Variants in CTHRC1 observed in about 807,000 individuals in gnomAD.
CTHRC1 encodes collagen triple helix repeat containing 1, also known as collagen triple helix repeat-containing protein 1.
A neutral mutation model predicts 25.9 loss-of-function variants in CTHRC1; 21 were observed. The ratio of observed to expected loss-of-function variants is 0.81; its 90% CI spans 0.57 to 1.17. The LOEUF (loss-of-function observed/expected upper bound fraction) is 1.17. Among genes scored for constraint, CTHRC1 ranks in the 50% most tolerant of loss-of-function variants. The pLI is 0.00. For synonymous variants in CTHRC1, 109 were observed against 113.1 expected (o/e 0.96, Z 0.23); for missense variants, 281 against 304.3 (o/e 0.92, Z 0.57).
chr8:103,372,418 G>A, intron 1 of CTHRC1: 1 of 1,477,112 alleles, frequency 6.8e-7, no homozygotes, highest in Non-Finnish European at 9.0e-7. Context: ...CCACAGCTGG[G>A]GCTAGGAATG....
intron 1 of CTHRC1, chr8:103,372,542 G>A (rs2130393649): frequency 1.9e-6 from 3 of 1,598,306 alleles, no homozygotes; most frequent in Admixed American, 3.3e-5. Context: ...CACACACCCT[G>A]GGTCTTCATA....
chr8:103,375,712 T>G, intron 1 of CTHRC1, 26 bp from the exon 2 acceptor site: 2 of 1,588,634 alleles, frequency 1.3e-6, no homozygotes, highest in Admixed American at 1.7e-5. Flanking sequence ...GTGAGAGTTT[T>G]CTTTGCCTTT....
At chr8:103,379,920 A>G (rs1815876116) in intron 3 of CTHRC1, among the ~76,000 whole-genome samples, 1 of 152,206 alleles carries the variant, frequency 6.6e-6, no homozygotes, top group Admixed American at 6.5e-5. Flanking sequence ...TTGCATATTG[A>G]GAAACCCAGG....
chr8:103,373,673 T>C (rs992827502), intron 1 of CTHRC1, among the ~76,000 whole-genome samples: 5 of 147,760 alleles, frequency 3.4e-5, no homozygotes, highest in Admixed American at 6.9e-5. Context: ...TTGTCGCGTG[T>C]TTAGCAGCAT....
At chr8:103,375,697 A>C (rs1392848050) in intron 1 of CTHRC1, 41 bp from the exon 2 acceptor site, 2 of 1,523,852 alleles carry the variant, frequency 1.3e-6, no homozygotes, top group Non-Finnish European at 1.8e-6. Flanking sequence ...TTTGACTCTT[A>C]AGTGGTGAGA....
At chr8:103,372,782 C>A in intron 1 of CTHRC1, 1 of 660,084 alleles carries the variant, frequency 1.5e-6, no homozygotes, top group Non-Finnish European at 2.5e-6. Context: ...ATATTATAAA[C>A]TTCAGTCTCA....
Position 103,371,702 on chromosome 8 carries a change from C to T in CTHRC1, c.46C>T (p.Leu16Phe), listed in dbSNP as rs1586549673. The T allele has an allele frequency of 2.6e-6, 4 of 1,533,954 alleles. No homozygotes were observed. The highest frequency in any genetic ancestry group is 3.5e-6 in the Non-Finnish European group (4 of 1,140,986). ...CGCCTCCCCGCAGCGGCTCCGCGGC[C>T]TCCTGCTGCTCCTGCTGCTGCAGCT... The part of the protein sequence containing the change: ...PAASPQRLRG[L>F]LLLLLLQLPA... The change falls in exon 1 of 4, where the codon CTC becomes TTC. Residue 16 changes from leucine to phenylalanine, a missense_variant. Leu to Phe is a conservative substitution (Grantham distance 22). Coordinates refer to ENST00000330295, the MANE Select transcript of CTHRC1 (RefSeq NM_138455.4).
intron 1 of CTHRC1, 47 bp downstream of exon 1, chr8:103,371,853 AC>A: frequency 6.9e-7 from 1 of 1,457,556 alleles, no homozygotes; most frequent in Non-Finnish European, 9.1e-7. Flanking sequence ...GGTGGAGGGG[AC>A]CTGGCCGCGC....
rs1249871790 is a variant in CTHRC1 at position 103,371,589 on chromosome 8, A to G, written c.-68A>G. 6.7e-6 allele frequency: 10 copies of G among 1,502,172 alleles called. No individual in the cohort carries two copies. The Admixed American group carries it at 1.2e-4, about 19-fold the overall frequency. The allele number at this position is 1,502,172 out of a possible 1,614,324, so 93.1% of individuals were successfully genotyped here. ...CGGCCTCGGAGCGCGGCGGAGCCAG[A>G]CGCTGACCACGTTCCTCTCCTCGGT... is the stretch of plus-strand genomic sequence containing the variant. On this transcript the variant is annotated 5_prime_UTR_variant, in exon 1 of 4. Transcript: ENST00000330295.
intron 1 of CTHRC1, among the ~76,000 whole-genome samples, chr8:103,375,132 A>C (rs1815782169): frequency 6.6e-6 from 1 of 152,134 alleles, no homozygotes; most frequent in Admixed American, 6.5e-5. Context: ...CCCCCACTTA[A>C]AAACAGGGAG....
chr8:103,375,690 G>T, intron 1 of CTHRC1, 48 bp from the exon 2 acceptor site: 1 of 1,485,394 alleles, frequency 6.7e-7, no homozygotes, highest in South Asian at 1.1e-5. Flanking sequence ...CTGAGTCTTT[G>T]ACTCTTAAGT....
chr8:103,372,985 T>G (rs1206634679), intron 1 of CTHRC1, among the ~76,000 whole-genome samples: 1 of 152,192 alleles, frequency 6.6e-6, no homozygotes, highest in Admixed American at 6.5e-5. Context: ...CACAGCACTT[T>G]TTGGTGGTAG....
chr8:103,382,195 TCTGGTTTTATG>T (rs1213009771), intron 3 of CTHRC1, among the ~76,000 whole-genome samples: 2 of 152,184 alleles, frequency 1.3e-5, no homozygotes, highest in Admixed American at 6.5e-5. Context: ...GTATACAAAT[TCTGGTTTTATG>T]CTTGAAACCT....
At chr8:103,372,650 C>G (rs771665520) in intron 1 of CTHRC1, 5 of 1,597,890 alleles carry the variant, frequency 3.1e-6, no homozygotes, top group Non-Finnish European at 4.2e-6. Flanking sequence ...AGGGGCTCAT[C>G]TGTGGGAAGG....
Position 103,382,576 on chromosome 8 carries a change from C to T in CTHRC1, c.708C>T (p.Ile236=), listed in dbSNP as rs754161630. The T allele has an allele frequency of 6.0e-5, 97 of 1,613,264 alleles. No homozygotes were observed. Among genetic ancestry groups the T allele is most frequent in the Non-Finnish European group, 8.1e-5 (96 of 1,179,446 alleles). Residue 236 remains isoleucine (I), a synonymous_variant, in exon 4 of 4, where the codon ATC becomes ATT. Transcript: ENST00000330295. ...ASTGWNSVSR[I]IIEELPK is the part of the protein sequence containing the mutation. ...CTGGATGGAATTCAGTTTCTCGCAT[C>T]ATTATTGAAGAACTACCAAAATAAA...
intron 2 of CTHRC1, 69 bp from the exon 3 acceptor site, chr8:103,377,958 C>T (rs753750190): frequency 3.1e-4 from 400 of 1,275,862 alleles, no homozygotes; most frequent in Non-Finnish European, 4.1e-4. Context: ...TAAAATTCAC[C>T]AGTCTCAAAA....
rs373270067 is a variant in CTHRC1 at position 103,374,576 on chromosome 8, G to T, written c.151-1162G>T. ...CAGCATTGGCATGTATGGCTTATGT[G>T]TGCTAGGCTGGTGGGTTTGCTAATG... On this transcript the variant is annotated intron_variant, in intron 1 of 3. Transcript: ENST00000330295. Among the ~76,000 whole-genome samples the T allele has an allele frequency of 7.1e-4, 108 of 152,272 alleles. 3 individuals carry two copies. In the South Asian group the frequency reaches 0.022, roughly 30 times the overall value.
intron 1 of CTHRC1, among the ~76,000 whole-genome samples, chr8:103,374,435 A>G (rs1815769083): frequency 6.6e-6 from 1 of 152,234 alleles, no homozygotes; most frequent in Admixed American, 6.5e-5. Context: ...AATGGATTGC[A>G]TTGGGTTTTG....
chr8:103,378,238 C>A lies in CTHRC1; in HGVS notation c.584C>A (p.Ser195Tyr). 1 of 1,610,662 alleles carries A rather than the reference C, an allele frequency of 6.2e-7. No homozygotes were observed. Among genetic ancestry groups the A allele is most frequent in the Non-Finnish European group, 8.5e-7 (1 of 1,178,538 alleles). The change falls in exon 3 of 4, where the codon TCT (serine) becomes TAT (tyrosine). Residue 195 changes from serine to tyrosine, a missense_variant. Physicochemically the swap from Ser to Tyr is moderately radical, Grantham distance 144. Transcript: ENST00000330295. ...MNSTINIHRT[S>Y]SVEGLCEGIG... Reference sequence around the variant, plus strand: ...TCAACAATTAATATTCATCGCACTTCTTCTGGTATGTAAAATTGTGACATT... The same window carrying A: ...TCAACAATTAATATTCATCGCACTTATTCTGGTATGTAAAATTGTGACATT...
Sources: gnomAD v4.1 joint callset for allele counts (sites outside exome capture counted in the v4.1 genomes callset) on GRCh38, gnomAD v4.1.1 for gene constraint, MANE v1.5 for transcripts, NCBI Gene and HGNC (gene_info 2026-07-23, HGNC 2026-07-21) for gene names.